The following PCDHA4 variants were observed in gnomAD, a reference collection of about 807,000 sequenced individuals.
PCDHA4 encodes protocadherin alpha-4.
A neutral mutation model predicts 61.4 loss-of-function variants in PCDHA4; 49 were observed. The observed-to-expected ratio is 0.80, with a 90% CI of 0.63 to 1.01. The LOEUF (loss-of-function observed/expected upper bound fraction) is 1.01. Among genes scored for constraint, PCDHA4 ranks in the 50% least tolerant of loss-of-function variants. PCDHA4 has a pLI of 0.00. For missense variants in PCDHA4, 1,254 were observed against 1,235.8 expected (o/e 1.01, Z -0.22); for synonymous variants, 590 against 550.3 (o/e 1.07, Z -1.01).
At chr5:140,840,491 G>T (rs1308203104) in intron 1 of PCDHA4, among the ~76,000 whole-genome samples, 3 of 152,018 alleles carry the variant, frequency 2.0e-5, no homozygotes, top group Non-Finnish European at 2.9e-5. Context: ...GCATAATTCT[G>T]GTAAATACTC....
chr5:140,870,016 G>A (rs1554163708), intron 1 of PCDHA4: 1 of 1,613,448 alleles, frequency 6.2e-7, no homozygotes, highest in Non-Finnish European at 8.5e-7. Flanking sequence ...GAGGGTCAAT[G>A]GAACTTTAGA....
At chr5:140,902,938 C>T (rs2069876653) in intron 1 of PCDHA4, among the ~76,000 whole-genome samples, 1 of 152,186 alleles carries the variant, frequency 6.6e-6, no homozygotes. Flanking sequence ...ATATATACCA[C>T]ATTTTCTTTA....
chr5:140,953,101 T>C (rs1297450101), intron 1 of PCDHA4, among the ~76,000 whole-genome samples: 1 of 152,130 alleles, frequency 6.6e-6, no homozygotes, highest in Non-Finnish European at 1.5e-5. Context: ...TGACATGAGA[T>C]TTGGGCAGGG....
chr5:140,853,975 C>A, intron 1 of PCDHA4: 1 of 594,170 alleles, frequency 1.7e-6, no homozygotes, highest in Non-Finnish European at 2.2e-6. Flanking sequence ...CAGTTTGAGA[C>A]CAATGTAGTG....
chr5:140,825,854 C>T (rs1554130384), intron 1 of PCDHA4: 2 of 152,390 alleles, frequency 1.3e-5, no homozygotes. Context: ...GATACAAACT[C>T]CCCTCTTGAG....
intron 1 of PCDHA4, among the ~76,000 whole-genome samples, chr5:140,832,596 A>G (rs2150115018): frequency 6.6e-6 from 1 of 152,326 alleles, no homozygotes; most frequent in Non-Finnish European, 1.5e-5. Context: ...AGAGAACTAT[A>G]GCGTTGCTAG....
chr5:140,941,185 CT>C (rs782102770), intron 1 of PCDHA4, among the ~76,000 whole-genome samples: 20 of 102,174 alleles, frequency 2.0e-4, no homozygotes, highest in Admixed American at 7.9e-4. Context: ...CATCCTGCTT[CT>C]TTTTTTTTCT....
At chr5:140,845,612 G>A (rs1234666681) in intron 1 of PCDHA4, among the ~76,000 whole-genome samples, 1 of 149,312 alleles carries the variant, frequency 6.7e-6, no homozygotes, top group Non-Finnish European at 1.5e-5. Flanking sequence ...TAAGTATTGT[G>A]GATTCTGAAG....
At chr5:140,822,311 T>TA (rs1356931430) in intron 1 of PCDHA4, 2 of 1,614,072 alleles carry the variant, frequency 1.2e-6, no homozygotes, top group African/African-American at 2.7e-5. Flanking sequence ...TATTTTGACT[T>TA]AGATGTTAAA....
At chr5:140,978,422 T>C (rs1554239303) in intron 1 of PCDHA4, among the ~76,000 whole-genome samples, 2 of 152,218 alleles carry the variant, frequency 1.3e-5, no homozygotes, top group Non-Finnish European at 2.9e-5. Flanking sequence ...AAGAGACTGT[T>C]ATCAGTTGCT....
chr5:140,836,386 C>T, intron 1 of PCDHA4: 1 of 1,613,722 alleles, frequency 6.2e-7, no homozygotes, highest in Non-Finnish European at 8.5e-7. Context: ...GTGCTGGTGT[C>T]GCTGGTGGAA....
rs782769711 is a variant in PCDHA4, at chr5:140,857,323, C to T, written c.2385+47751C>T. ...TGTCGGCCTATGAGCTGGTGGTGAC[C>T]GCGCGGGACGGGGGCTCGCCTCCGC... On this transcript the variant is annotated intron_variant, in intron 1 of 3. Coordinates refer to ENST00000530339, the MANE Select transcript of PCDHA4 (RefSeq NM_018907.4). The T allele has an allele frequency of 2.5e-6, 4 of 1,598,498 alleles. 1 individual carries two copies. Among genetic ancestry groups the T allele is most frequent in the Admixed American group, 1.7e-5 (1 of 59,312 alleles).
chr5:140,856,314 T>C (rs2043919733), intron 1 of PCDHA4: 1 of 1,598,440 alleles, frequency 6.3e-7, no homozygotes, highest in African/African-American at 1.3e-5. Context: ...AATTCTCGGA[T>C]TGACCGCGAG....
chr5:140,823,179 G>T (rs17844294), intron 1 of PCDHA4: 1 of 1,613,914 alleles, frequency 6.2e-7, no homozygotes, highest in Non-Finnish European at 8.5e-7. Context: ...AGAACAACCC[G>T]CCAGGCTGCC....
chr5:140,856,488 T>C lies in PCDHA4; in HGVS notation c.2385+46916T>C. Reference sequence around the variant, plus strand: ...CTCTCAATACCTGAATCCAGACTGCTTGACTCTCGATTTCCACTAGAAGGC... The same window carrying C: ...CTCTCAATACCTGAATCCAGACTGCCTGACTCTCGATTTCCACTAGAAGGC... On this transcript the variant is annotated intron_variant, in intron 1 of 3. Coordinates refer to ENST00000530339, the MANE Select transcript of PCDHA4 (RefSeq NM_018907.4). 3.1e-6 allele frequency: 5 copies of C among 1,598,406 alleles called. 2 individuals carry two copies. Among genetic ancestry groups the C allele is most frequent in the Non-Finnish European group, 3.4e-6 (4 of 1,167,896 alleles).
Position 140,808,400 on chromosome 5 carries a change from T to C in PCDHA4, c.1213T>C (p.Tyr405His), listed in dbSNP as rs555840522. The change falls in exon 1 of 4, where the codon TAC becomes CAC. Residue 405 changes from tyrosine (Y) to histidine (H), a missense_variant. Physicochemically the swap from Tyr to His is moderately conservative, Grantham distance 83. Coordinates refer to ENST00000530339, the MANE Select transcript of PCDHA4 (RefSeq NM_018907.4). ...GCTGGTGTCCACCTTCAAGAATTACTACTCGTTGGTGCTGGACAGTGCCCT... is the reference window on the plus strand; with the variant it reads ...GCTGGTGTCCACCTTCAAGAATTACCACTCGTTGGTGCTGGACAGTGCCCT... ...FKLVSTFKNY[Y>H]SLVLDSALDR... The C allele has an allele frequency of 3.1e-6, 5 of 1,614,170 alleles. No homozygotes were observed. Among genetic ancestry groups the C allele is most frequent in the Admixed American group, 3.3e-5 (2 of 60,038 alleles).
At chr5:140,969,347 G>C (rs1554231707) in intron 1 of PCDHA4, 1 of 1,613,472 alleles carries the variant, frequency 6.2e-7, no homozygotes, top group South Asian at 1.1e-5. Context: ...ACAGTGGTCA[G>C]GGGGTCTTCT....
chr5:140,850,903 G>A (rs2150501679), intron 1 of PCDHA4: 2 of 1,560,976 alleles, frequency 1.3e-6, no homozygotes, highest in Admixed American at 1.9e-5. Flanking sequence ...GGTTTTTCTA[G>A]CATTTTATTT....
At chr5:140,938,907 A>T (rs2092260332) in intron 1 of PCDHA4, among the ~76,000 whole-genome samples, 1 of 152,090 alleles carries the variant, frequency 6.6e-6, no homozygotes, top group Non-Finnish European at 1.5e-5. Context: ...GCACACACAC[A>T]CACGCACAAG....
Sources: gnomAD v4.1 joint callset for allele counts (sites outside exome capture counted in the v4.1 genomes callset) on GRCh38, gnomAD v4.1.1 for gene constraint, MANE v1.5 for transcripts, NCBI Gene and HGNC (gene_info 2026-07-23, HGNC 2026-07-21) for gene names.